Variants in PIKFYVE observed in about 807,000 individuals in gnomAD.
PIKFYVE encodes the protein 1-phosphatidylinositol 3-phosphate 5-kinase.
Under a neutral mutation model 257.9 loss-of-function variants are expected in PIKFYVE, and 122 were observed. That is an observed-to-expected ratio of 0.47 (90% CI 0.41 to 0.55). PIKFYVE has a LOEUF of 0.55. Among genes scored for constraint, PIKFYVE ranks in the 20% least tolerant of loss-of-function variants. PIKFYVE has a pLI of 0.00. For missense variants in PIKFYVE, 2,160 were observed against 2,536.6 expected, an observed-to-expected ratio of 0.85 and a Z score of 3.19; for synonymous variants, 892 against 868.9, an observed-to-expected ratio of 1.03 and a Z score of -0.47.
chr2:208,353,712 G>A (rs1699974897), intron 39 of PIKFYVE, among the ~76,000 whole-genome samples, 186 bp from the exon 40 acceptor site: 2 of 152,080 alleles, frequency 1.3e-5, no homozygotes, highest in Admixed American at 6.6e-5. Flanking sequence ...TGTATTTTAT[G>A]TACTGTACAA....
intron 12 of PIKFYVE, among the ~76,000 whole-genome samples, chr2:208,306,217 G>A (rs1694295479): frequency 2.6e-5 from 4 of 152,160 alleles, no homozygotes; most frequent in Admixed American, 2.6e-4. Flanking sequence ...CATTGAACAT[G>A]AGTAAGATAG....
chr2:208,354,220 T>C (rs1465309475), intron 40 of PIKFYVE, 61 bp downstream of exon 40: 1 of 1,556,032 alleles, frequency 6.4e-7, no homozygotes, highest in African/African-American at 1.4e-5. Flanking sequence ...ATTTTAAAGA[T>C]TCTATTGAAC....
rs777079683 is a variant in PIKFYVE at position 208,326,006 on chromosome 2, C to G, written c.3195C>G (p.Pro1065=). The G allele has an allele frequency of 6.2e-7, 1 of 1,614,142 alleles. No homozygotes were observed. The highest frequency in any genetic ancestry group is 8.5e-7 in the Non-Finnish European group (1 of 1,180,012). The change falls in exon 20 of 42, where the codon CCC becomes CCG. Residue 1065 remains proline (P), a synonymous_variant. Coordinates refer to ENST00000264380, the MANE Select transcript of PIKFYVE (RefSeq NM_015040.4). ...CISPVITFRE[P]FLLTEKGMRC... Reference sequence around the variant, plus strand: ...CCCCAGTAATCACATTCCGAGAACCCTTTCTTTTAACTGAAAAGGGGATGA... The same window carrying G: ...CCCCAGTAATCACATTCCGAGAACCGTTTCTTTTAACTGAAAAGGGGATGA...
intron 35 of PIKFYVE, 59 bp downstream of exon 35, chr2:208,348,082 C>T (rs866260437): frequency 6.3e-7 from 1 of 1,578,552 alleles, no homozygotes; most frequent in South Asian, 1.1e-5. Flanking sequence ...ATTTTAGTTG[C>T]ATATATTTCT....
rs1696642024 is a variant in PIKFYVE at position 208,324,170 on chromosome 2, A to G, written c.2219A>G (p.Gln740Arg). 3 of 1,613,730 alleles carry G rather than the reference A, an allele frequency of 1.9e-6. No individual in the cohort carries two copies. The highest frequency in any genetic ancestry group is 1.3e-5 in the African/African-American group (1 of 74,918). ...AGGGAATTCTTGAAGAATTATGTCC[A>G]GCGAATAGTTGATGTTCGACCCACC... ...QEREFLKNYV[Q>R]RIVDVRPTLV... The change falls in exon 18 of 42, where the codon CAG becomes CGG. Residue 740 changes from glutamine (Q) to arginine (R), a missense_variant. By Grantham distance (43) the Gln-to-Arg change is conservative (BLOSUM62 1). Transcript: ENST00000264380.
chr2:208,280,009 C>G (rs1327510666), intron 5 of PIKFYVE, among the ~76,000 whole-genome samples: 1 of 152,006 alleles, frequency 6.6e-6, no homozygotes, highest in East Asian at 1.9e-4. Flanking sequence ...TTTTTTTTAC[C>G]TTTAGTTTCT....
intron 26 of PIKFYVE, 27 bp downstream of exon 26, chr2:208,335,928 C>A (rs1698094633): frequency 2.5e-6 from 4 of 1,590,202 alleles, no homozygotes; most frequent in Non-Finnish European, 3.4e-6. Flanking sequence ...GTAGAAAATT[C>A]AAAAGTTAAT....
At chr2:208,300,412 G>A (rs749069485) in intron 8 of PIKFYVE, among the ~76,000 whole-genome samples, 3 of 152,166 alleles carry the variant, frequency 2.0e-5, no homozygotes, top group Non-Finnish European at 4.4e-5. Flanking sequence ...AAAGTTATTT[G>A]GGACTACCTG....
At position 208,354,635 on chromosome 2, in the gene PIKFYVE, A is replaced by T. The variant is rs1401507770; in HGVS notation, c.6171A>T (p.Leu2057Phe). The T allele has an allele frequency of 1.2e-6, 2 of 1,611,706 alleles. No homozygotes were observed. The highest frequency in any genetic ancestry group is 1.7e-6 in the Non-Finnish European group (2 of 1,177,898). The change falls in exon 41 of 42, where the codon TTA becomes TTT. Residue 2057 changes from leucine to phenylalanine, a missense_variant. This residue lies in a region of PIKFYVE where 38 missense variants were observed against 77.7 expected (regional missense o/e 0.49). Transcript: ENST00000264380. Reference protein sequence around the residue: ...LEMVVKSTGILGGQGKMPTVV... With the variant: ...LEMVVKSTGIFGGQGKMPTVV... ...TGGTTGTGAAATCAACAGGAATTTT[A>T]GGTGGACAAGGTGAGAATTTTTGTT... is the stretch of plus-strand genomic sequence containing the variant.
intron 21 of PIKFYVE, among the ~76,000 whole-genome samples, chr2:208,328,680 C>T (rs1311428266): frequency 6.6e-6 from 1 of 152,168 alleles, no homozygotes; most frequent in African/African-American, 2.4e-5. Context: ...GTTTCATATA[C>T]ACCTTGTACA....
At chr2:208,276,929 T>G (rs1690184322) in intron 4 of PIKFYVE, 99 bp downstream of exon 4, 9 of 938,044 alleles carry the variant, frequency 9.6e-6, no homozygotes, top group African/African-American at 1.7e-5. Flanking sequence ...GAAAGCTTAA[T>G]TAGCGCTTCC....
At chr2:208,293,948 G>A (rs1692641168) in intron 7 of PIKFYVE, among the ~76,000 whole-genome samples, 1 of 152,054 alleles carries the variant, frequency 6.6e-6, no homozygotes, top group African/African-American at 2.4e-5. Context: ...CTGGACCTGT[G>A]GCTTGGCATC....
intron 7 of PIKFYVE, among the ~76,000 whole-genome samples, chr2:208,293,649 A>G (rs925169433): frequency 9.6e-5 from 14 of 146,282 alleles, no homozygotes; most frequent in Non-Finnish European, 7.5e-5. Flanking sequence ...AGATGTATTT[A>G]TTATCTTTGA....
At chr2:208,329,720 A>G (rs1239564816) in intron 21 of PIKFYVE, 122 bp from the exon 22 acceptor site, 3 of 1,474,240 alleles carry the variant, frequency 2.0e-6, no homozygotes, top group Non-Finnish European at 2.7e-6. Flanking sequence ...AAAGAACATT[A>G]CCTCCTTTCA....
chr2:208,354,219 A>G, intron 40 of PIKFYVE, 60 bp downstream of exon 40: 1 of 1,555,668 alleles, frequency 6.4e-7, no homozygotes, highest in South Asian at 1.1e-5. Context: ...AATTTTAAAG[A>G]TTCTATTGAA....
intron 20 of PIKFYVE, among the ~76,000 whole-genome samples, chr2:208,326,702 G>A (rs566563241): frequency 6.6e-6 from 1 of 152,316 alleles, no homozygotes; most frequent in East Asian, 1.9e-4. Flanking sequence ...ATGTGGAGCT[G>A]CTTAAAATTT....
Position 208,357,874 on chromosome 2 carries a change from A to G in PIKFYVE, c.*2569A>G, listed in dbSNP as rs181198964. 9.2e-5 allele frequency: 14 copies of G among 152,364 alleles called. No homozygotes were observed. The highest frequency in any genetic ancestry group is 7.8e-4 in the Admixed American group (12 of 15,308). 9.4% of individuals were successfully genotyped at this position (152,364 alleles called of 1,614,324 possible). Reference sequence around the variant, plus strand: ...GTCCCGAGAATAATTGATAGTAGCAAGAGAAAACTATGTCAGTAACATGTT... The same window carrying G: ...GTCCCGAGAATAATTGATAGTAGCAGGAGAAAACTATGTCAGTAACATGTT... On this transcript the variant is annotated 3_prime_UTR_variant, in exon 42 of 42. Coordinates refer to ENST00000264380, the MANE Select transcript of PIKFYVE (RefSeq NM_015040.4).
At chr2:208,272,806 CTA>C (rs1689609078) in intron 2 of PIKFYVE, among the ~76,000 whole-genome samples, 2 of 149,898 alleles carry the variant, frequency 1.3e-5, no homozygotes, top group African/African-American at 2.5e-5. Flanking sequence ...AAAAAAAAAA[CTA>C]TTTTTTAGAA....
chr2:208,341,182 A>G (rs1698665223), intron 31 of PIKFYVE, among the ~76,000 whole-genome samples: 1 of 151,562 alleles, frequency 6.6e-6, no homozygotes, highest in African/African-American at 2.4e-5. Context: ...TAATTTTCGT[A>G]TTTTTAGTAG....
Sources: allele counts gnomAD v4.1 joint callset (sites outside exome capture counted in the v4.1 genomes callset), GRCh38; gene constraint gnomAD v4.1.1; regional missense constraint gnomAD v4.1.1; transcripts MANE v1.5; gene names NCBI Gene and HGNC (gene_info 2026-07-23, HGNC 2026-07-21).